EYS: variants seen among roughly 807,000 people sequenced by gnomAD.
EYS encodes EGF-like photoreceptor maintenance factor, also known as protein eyes shut homolog.
In EYS, 250 loss-of-function variants were observed where a neutral mutation model predicts 282.1. That is an observed-to-expected ratio of 0.89 (90% CI 0.80 to 0.98). The LOEUF is 0.98. Among genes scored for constraint, EYS ranks in the 50% least tolerant of loss-of-function variants. The pLI is 0.00. For synonymous variants in EYS, 1,355 were observed against 1,282.9 expected (o/e 1.06, Z -1.20); for missense variants, 4,016 against 3,709.0 (o/e 1.08, Z -2.15).
intron 22 of EYS, among the ~76,000 whole-genome samples, chr6:64,756,158 G>T (rs1034055531): frequency 9.9e-5 from 15 of 152,080 alleles, no homozygotes; most frequent in African/African-American, 3.6e-4. Flanking sequence ...TTCCATATTT[G>T]TTATTTTATA....
intron 26 of EYS, among the ~76,000 whole-genome samples, chr6:64,449,316 C>G (rs1255657182): frequency 1.3e-5 from 2 of 151,848 alleles, no homozygotes; most frequent in African/African-American, 4.8e-5. Context: ...AAAAAAAATA[C>G]AAAGAAATGA....
chr6:65,457,714 G>A (rs1299419505), intron 5 of EYS, among the ~76,000 whole-genome samples: 1 of 152,032 alleles, frequency 6.6e-6, no homozygotes, highest in South Asian at 2.1e-4. Context: ...CATTGTCACG[G>A]AATCAAGCTG....
At chr6:64,820,263 C>A (rs1458187608) in intron 21 of EYS, among the ~76,000 whole-genome samples, 1 of 151,886 alleles carries the variant, frequency 6.6e-6, no homozygotes, top group Non-Finnish European at 1.5e-5. Context: ...AGGAAAAAAT[C>A]TAGAATCACA....
At chr6:64,597,233 G>A (rs1267406077) in intron 24 of EYS, among the ~76,000 whole-genome samples, 1 of 152,154 alleles carries the variant, frequency 6.6e-6, no homozygotes, top group Non-Finnish European at 1.5e-5. Context: ...TGGCAAGGAT[G>A]CAGAGAAAAG....
intron 13 of EYS, among the ~76,000 whole-genome samples, chr6:65,043,384 T>G (rs1772997553): frequency 6.6e-6 from 1 of 151,650 alleles, no homozygotes; most frequent in East Asian, 1.9e-4. Context: ...ATTATTTTTA[T>G]ATCAGTGTGT....
intron 2 of EYS, among the ~76,000 whole-genome samples, chr6:65,624,350 G>T (rs1421832771): frequency 2.0e-5 from 3 of 152,104 alleles, no homozygotes; most frequent in African/African-American, 7.2e-5. Flanking sequence ...CATGCTAAAA[G>T]AAACTTTGCA....
chr6:64,859,414 C>T (rs1766165942), intron 19 of EYS, among the ~76,000 whole-genome samples: 1 of 151,140 alleles, frequency 6.6e-6, no homozygotes, highest in South Asian at 2.1e-4. Context: ...AACTTTAAAA[C>T]ACTCATGAAG....
chr6:64,345,145 A>G (rs1480663334), intron 29 of EYS, among the ~76,000 whole-genome samples: 2 of 152,152 alleles, frequency 1.3e-5, no homozygotes, highest in East Asian at 1.9e-4. Context: ...TATAGATTCA[A>G]TGCCATCCCC....
In EYS at chr6:65,483,102, A is replaced by C. The variant is rs569650945; in HGVS notation, c.862+7492T>G. 2.6e-5 allele frequency among the ~76,000 whole-genome samples: 4 copies of C among 152,258 alleles called. No homozygotes were observed. In the South Asian group the frequency reaches 8.3e-4, roughly 32 times the overall value. On this transcript the variant is annotated intron_variant, in intron 5 of 42. Coordinates refer to ENST00000503581, the MANE Select transcript of EYS (RefSeq NM_001142800.2). The stretch of plus-strand genomic sequence containing the variant: ...CATAACATTTCAAATTTGGGATTAC[A>C]ATTAAGAATACATTTTCATGTGGTT...
At chr6:64,554,108 T>G (rs1241782363) in intron 26 of EYS, among the ~76,000 whole-genome samples, 1 of 152,126 alleles carries the variant, frequency 6.6e-6, no homozygotes, top group African/African-American at 2.4e-5. Context: ...TCAATTTAAT[T>G]ATCATATATT....
At chr6:64,216,504 A>T (rs976922486) in intron 31 of EYS, among the ~76,000 whole-genome samples, 6 of 152,178 alleles carry the variant, frequency 3.9e-5, no homozygotes, top group Admixed American at 1.3e-4. Flanking sequence ...TCATAGGGGG[A>T]TATATTGGTG....
chr6:64,380,788 C>G (rs576435826), intron 29 of EYS, among the ~76,000 whole-genome samples: 79 of 152,170 alleles, frequency 5.2e-4, no homozygotes, highest in Middle Eastern at 3.4e-3. Flanking sequence ...GAGTCCAAGG[C>G]AGGTGGATCG....
Position 65,329,442 on chromosome 6 carries a change from G to A in EYS, c.1766+5538C>T, listed in dbSNP as rs190109629. ...ATTTGGTTTTCTAGAGCATAATAAA[G>A]AGAGAAAATATATCAGTGTATGTAA... On this transcript the variant is annotated intron_variant, in intron 11 of 42. Transcript: ENST00000503581. 1.1e-3 allele frequency: 1,064 copies of A among 943,704 alleles called. 9 individuals carry two copies. The African/African-American group carries it at 0.018, about 16-fold the overall frequency. The allele number at this position is 943,704 out of a possible 1,614,324, so 58.5% of individuals were successfully genotyped here. A position where few individuals can be genotyped will look rare whatever the true frequency, so the allele number is the denominator to read the frequency against.
At chr6:64,445,764 T>C (rs1470701711) in intron 26 of EYS, among the ~76,000 whole-genome samples, 1 of 152,152 alleles carries the variant, frequency 6.6e-6, no homozygotes, top group East Asian at 1.9e-4. Context: ...GAGGAAGAAA[T>C]AACTTTCTCA....
chr6:63,859,087 T>TG (rs1282383538), intron 36 of EYS, among the ~76,000 whole-genome samples: 4 of 107,934 alleles, frequency 3.7e-5, no homozygotes, highest in Non-Finnish European at 6.0e-5. Context: ...TTTTTTTTTT[T>TG]TTTTTTTTTT....
intron 31 of EYS, among the ~76,000 whole-genome samples, chr6:64,195,072 G>T (rs1446679291): frequency 6.6e-6 from 1 of 151,462 alleles, no homozygotes. Flanking sequence ...GGTTTTTGTT[G>T]TCTGTATAGT....
At chr6:64,393,204 A>G (rs1773220676) in intron 28 of EYS, among the ~76,000 whole-genome samples, 1 of 152,188 alleles carries the variant, frequency 6.6e-6, no homozygotes, top group Non-Finnish European at 1.5e-5. Flanking sequence ...CCATAGGTAC[A>G]AGGAGGAACT....
At chr6:65,617,726 CAG>C (rs1194396868) in intron 2 of EYS, among the ~76,000 whole-genome samples, 2 of 140,228 alleles carry the variant, frequency 1.4e-5, no homozygotes, top group African/African-American at 5.3e-5. Flanking sequence ...CCACAATCCC[CAG>C]AGTGTGATGT....
chr6:63,798,987 G>GTATA (rs56290982), intron 37 of EYS, among the ~76,000 whole-genome samples: 2,259 of 85,616 alleles, frequency 0.026, 31 homozygotes, highest in South Asian at 0.05. Context: ...GTATATGTGT[G>GTATA]TATATATATA....
Sources: allele counts gnomAD v4.1 joint callset (sites outside exome capture counted in the v4.1 genomes callset), GRCh38; gene constraint gnomAD v4.1.1; transcripts MANE v1.5; gene names NCBI Gene and HGNC (gene_info 2026-07-23, HGNC 2026-07-21).